Variants in MYCBPAP observed in about 807,000 individuals in gnomAD.
MYCBPAP encodes the protein MYCBP-associated protein.
MYCBPAP carries 60 observed loss-of-function variants against 106.1 expected under a neutral mutation model. The ratio of observed to expected loss-of-function variants is 0.57; its 90% CI spans 0.46 to 0.70. The LOEUF is 0.70. Among genes scored for constraint, MYCBPAP ranks in the 30% least tolerant of loss-of-function variants. MYCBPAP has a pLI of 0.00. For synonymous variants in MYCBPAP, 407 were observed against 440.6 expected (o/e 0.92, Z 0.95); for missense variants, 1,064 against 1,169.3 (o/e 0.91, Z 1.31).
Position 50,525,955 on chromosome 17 carries a change from T to C in MYCBPAP, c.1857T>C (p.Ala619=). Residue 619 remains alanine, a synonymous_variant, in exon 14 of 19, where the codon GCT becomes GCC. Coordinates refer to ENST00000323776, the MANE Select transcript of MYCBPAP (RefSeq NM_032133.6). ...AGTACATGACCCTGCCCGCCAAGGCTGAGGAGGCCAGGCCAGGGGACAAGG... is the reference window on the plus strand; with the variant it reads ...AGTACATGACCCTGCCCGCCAAGGCCGAGGAGGCCAGGCCAGGGGACAAGG... ...WRQYMTLPAK[A]EEARPGDKEH... 1.2e-6 allele frequency: 2 copies of C among 1,613,684 alleles called. No individual in the cohort carries two copies. Among genetic ancestry groups the C allele is most frequent in the Non-Finnish European group, 1.7e-6 (2 of 1,180,002 alleles).
At position 50,518,698 on chromosome 17, in the gene MYCBPAP, G is replaced by A. The variant is rs200374790; in HGVS notation, c.626G>A (p.Arg209Gln). The stretch of plus-strand genomic sequence containing the variant: ...AACTGGCAGCGTAACACAGCCCTGC[G>A]GAAGAAGCAGCAGGAAGCCCTCAGC... ...LKNWQRNTAL[R>Q]KKQQEALSEH... The change falls in exon 5 of 19, where the codon CGG (arginine) becomes CAG (glutamine). Residue 209 changes from arginine (R) to glutamine (Q), a missense_variant. By Grantham distance (43) the Arg-to-Gln change is conservative (BLOSUM62 1). Transcript: ENST00000323776. 478 of 1,592,710 alleles carry A rather than the reference G, an allele frequency of 3.0e-4. No homozygotes were observed. The highest frequency in any genetic ancestry group is 5.2e-4 in the Middle Eastern group (3 of 5,808).
At chr17:50,517,044 C>G (rs1334272806) in intron 2 of MYCBPAP, among the ~76,000 whole-genome samples, 2 of 152,116 alleles carry the variant, frequency 1.3e-5, no homozygotes, top group African/African-American at 2.4e-5. Flanking sequence ...CATGCTTTAC[C>G]TGGGAGAGTC....
At chr17:50,527,523 G>T (rs752126064) in intron 15 of MYCBPAP, 115 bp downstream of exon 15, 109 of 1,357,976 alleles carry the variant, frequency 8.0e-5, no homozygotes, top group Non-Finnish European at 9.8e-5. Flanking sequence ...AGCTCAGGTT[G>T]CTAGAGCATG....
At position 50,525,661 on chromosome 17, in the gene MYCBPAP, T is replaced by C. The variant is rs3063031; in HGVS notation, c.1783-220T>C. Among the ~76,000 whole-genome samples the C allele has an allele frequency of 3.1e-3, 53 of 16,892 alleles. 2 individuals are homozygous for C. In the South Asian group the frequency reaches 0.043, roughly 14 times the overall value. 11.1% of individuals were successfully genotyped at this position (16,892 alleles called of 152,430 possible). On this transcript the variant is annotated intron_variant, in intron 13 of 18. Transcript: ENST00000323776. Reference sequence around the variant, plus strand: ...ATCACCATGCTCAGCTAATTTCTCTTTTTTTTTTTGGTAGAGATAGGATCA... The same window carrying C: ...ATCACCATGCTCAGCTAATTTCTCTCTTTTTTTTTGGTAGAGATAGGATCA...
At chr17:50,517,521 C>G (rs1430555365) in intron 3 of MYCBPAP, 69 bp downstream of exon 3, 2 of 1,613,604 alleles carry the variant, frequency 1.2e-6, no homozygotes, top group African/African-American at 2.7e-5. Flanking sequence ...GAAACCCAGT[C>G]TCCATCAGAA....
In MYCBPAP at chr17:50,525,783, GCC is replaced by G. The variant is rs754508287; in HGVS notation, c.1783-97_1783-96del. 2.1e-5 allele frequency: 30 copies of G among 1,413,850 alleles called. No individual in the cohort carries two copies. The East Asian group carries it at 5.5e-4, about 26-fold the overall frequency. The allele number at this position is 1,413,850 out of a possible 1,614,324, so 87.6% of individuals were successfully genotyped here. A position where few individuals can be genotyped will look rare whatever the true frequency, so the allele number is the denominator to read the frequency against. The stretch of plus-strand genomic sequence containing the variant: ...TGGGATTGCAGGCTTGAGCCACTGT[GCC>G]TGGCCCTTGTACTATTTATGTCCTT... On this transcript the variant is annotated intron_variant, in intron 13 of 18. Transcript: ENST00000323776.
intron 15 of MYCBPAP, 46 bp from the exon 16 acceptor site, chr17:50,528,109 A>G (rs2143997628): frequency 6.5e-7 from 1 of 1,548,292 alleles, no homozygotes; most frequent in Non-Finnish European, 8.9e-7. Context: ...AGGTTCAAGG[A>G]CAAATGAGGA....
At chr17:50,510,841 T>C (rs1039677478) in intron 1 of MYCBPAP, among the ~76,000 whole-genome samples, 4 of 151,634 alleles carry the variant, frequency 2.6e-5, no homozygotes, top group African/African-American at 7.3e-5. Flanking sequence ...TTTTTAATAG[T>C]TGAGAGAGAG....
chr17:50,523,404 C>G (rs572965944), intron 11 of MYCBPAP, among the ~76,000 whole-genome samples, 193 bp from the exon 12 acceptor site: 2 of 152,160 alleles, frequency 1.3e-5, no homozygotes, highest in African/African-American at 2.4e-5. Context: ...GCTAGGATGG[C>G]CAGCTGTCTC....
Position 50,526,036 on chromosome 17 carries a change from A to G in MYCBPAP, c.1938A>G (p.Pro646=). 3 of 1,613,858 alleles carry G rather than the reference A, an allele frequency of 1.9e-6. No homozygotes were observed. The highest frequency in any genetic ancestry group is 2.5e-6 in the Non-Finnish European group (3 of 1,180,006). The change falls in exon 14 of 19, where the codon CCA becomes CCG. Residue 646 remains proline, a synonymous_variant. Transcript: ENST00000323776. ...CCTCTGTGAATGCTGAGCTGTTACC[A>G]CGCTTTAGGAGCCCCATCTCCGAAA... The part of the protein sequence containing the change: ...EKASVNAELL[P]RFRSPISETQ...
intron 7 of MYCBPAP, chr17:50,520,052 G>A (rs2143947426): frequency 2.6e-6 from 1 of 384,300 alleles, no homozygotes; most frequent in Non-Finnish European, 4.7e-6. Context: ...CATGCCGCTG[G>A]TGAGCGCCTG....
rs1248643094 is a variant in MYCBPAP, at chr17:50,510,496, T to TA, written c.76+1746_76+1747insA. ...ATATGTGTGTGTGTGTGTGTGTGTG[T>TA]GTGTATATATATATATATATATATA... On this transcript the variant is annotated intron_variant, in intron 1 of 18. Transcript: ENST00000323776. The TA allele has an allele frequency of 4.2e-3, 422 of 100,646 alleles. 4 individuals carry two copies. Among genetic ancestry groups the TA allele is most frequent in the African/African-American group, 0.02 (409 of 20,928 alleles). 6.2% of individuals were successfully genotyped at this position (100,646 alleles called of 1,614,324 possible).
At chr17:50,520,865 C>T (rs1371903270) in intron 7 of MYCBPAP, 1 of 472,250 alleles carries the variant, frequency 2.1e-6, no homozygotes, top group Non-Finnish European at 3.9e-6. Context: ...AAGGTAGCTG[C>T]TGTTATTATT....
At chr17:50,518,459 G>T in intron 4 of MYCBPAP, 82 bp from the exon 5 acceptor site, 1 of 1,288,740 alleles carries the variant, frequency 7.8e-7, no homozygotes, top group Non-Finnish European at 1.1e-6. Flanking sequence ...TAACAGCACG[G>T]GTTTAGGCCT....
rs768926136 is a variant in MYCBPAP at position 50,521,342 on chromosome 17, C to A, written c.1059C>A (p.Gly353=). 2.9e-5 allele frequency: 46 copies of A among 1,605,076 alleles called. No homozygotes were observed. Among genetic ancestry groups the A allele is most frequent in the Non-Finnish European group, 3.9e-5 (46 of 1,175,292 alleles). Residue 353 remains glycine (G), a synonymous_variant, in exon 9 of 19, where the codon GGC becomes GGA. Coordinates refer to ENST00000323776, the MANE Select transcript of MYCBPAP (RefSeq NM_032133.6). ...QQDIDGLEVV[G]KGWPFSAVTV... The stretch of plus-strand genomic sequence containing the variant: ...ATATTGATGGCCTGGAGGTGGTGGG[C>A]AAAGGGTGGCCCTTCTCGGCTGTTA...
chr17:50,521,333 G>A lies in MYCBPAP; in HGVS notation c.1050G>A (p.Glu350=). ...DFSQQDIDGL[E]VVGKGWPFSA... Reference sequence around the variant, plus strand: ...TCTCGGAGGATATTGATGGCCTGGAGGTGGTGGGCAAAGGGTGGCCCTTCT... The same window carrying A: ...TCTCGGAGGATATTGATGGCCTGGAAGTGGTGGGCAAAGGGTGGCCCTTCT... Residue 350 remains glutamate (E), a synonymous_variant, in exon 9 of 19, where the codon GAG becomes GAA. Transcript: ENST00000323776. The A allele has an allele frequency of 6.2e-7, 1 of 1,604,496 alleles. No individual in the cohort carries two copies. The highest frequency in any genetic ancestry group is 1.3e-5 in the African/African-American group (1 of 74,892).
At chr17:50,530,603 C>A (rs2034605648) in intron 18 of MYCBPAP, among the ~76,000 whole-genome samples, 1 of 151,574 alleles carries the variant, frequency 6.6e-6, no homozygotes, top group Non-Finnish European at 1.5e-5. Flanking sequence ...CGACATCAGC[C>A]TAGACAACAC....
intron 13 of MYCBPAP, 189 bp downstream of exon 13, chr17:50,525,212 G>T: frequency 1.6e-6 from 1 of 611,638 alleles, no homozygotes; most frequent in African/African-American, 1.9e-5. Flanking sequence ...CTGCGCATGC[G>T]AGGGATGGAA....
chr17:50,519,165 A>AG (rs1337374657), intron 6 of MYCBPAP, 76 bp downstream of exon 6: 1 of 1,068,280 alleles, frequency 9.4e-7, no homozygotes, highest in African/African-American at 1.6e-5. Flanking sequence ...GTCTGGACAC[A>AG]GGGATGCTGG....
Sources: allele counts gnomAD v4.1 joint callset (sites outside exome capture counted in the v4.1 genomes callset), GRCh38; gene constraint gnomAD v4.1.1; transcripts MANE v1.5; gene names NCBI Gene and HGNC (gene_info 2026-07-23, HGNC 2026-07-21).